The following DGKB variants were observed in gnomAD, a reference collection of about 807,000 sequenced individuals.
DGKB encodes the protein 90 kDa diacylglycerol kinase.
In DGKB, 67 loss-of-function variants were observed where a neutral mutation model predicts 114.3. That is an observed-to-expected ratio of 0.59 (90% CI 0.48 to 0.72). The LOEUF (loss-of-function observed/expected upper bound fraction) is 0.72. Among genes scored for constraint, DGKB ranks in the 30% least tolerant of loss-of-function variants. DGKB has a pLI of 0.00. For missense variants in DGKB, 907 were observed against 975.2 expected (o/e 0.93, Z 0.93); for synonymous variants, 398 against 323.1 (o/e 1.23, Z -2.49).
chr7:14,705,825 T>C (rs1563969634), intron 6 of DGKB, among the ~76,000 whole-genome samples: 1 of 151,610 alleles, frequency 6.6e-6, no homozygotes, highest in African/African-American at 2.4e-5. Flanking sequence ...GCGCTAAATA[T>C]GGAAAGGAAC....
intron 17 of DGKB, among the ~76,000 whole-genome samples, chr7:14,588,978 G>T (rs562379226): frequency 6.6e-6 from 1 of 151,618 alleles, no homozygotes; most frequent in East Asian, 1.9e-4. Context: ...ATTAATTTTG[G>T]GAGAAATAAC....
rs543630712 is a variant in DGKB, at chr7:14,931,112, A to ATT, written c.-188+43582_-188+43583dup. 7.9e-3 allele frequency among the ~76,000 whole-genome samples: 1,083 copies of ATT among 136,674 alleles called. 14 individuals carry two copies. Among genetic ancestry groups the ATT allele is most frequent in the African/African-American group, 0.021 (771 of 36,908 alleles). 89.7% of individuals were successfully genotyped at this position (136,674 alleles called of 152,430 possible). A position where few individuals can be genotyped will look rare whatever the true frequency, so the allele number is the denominator to read the frequency against. ...GTGCTGTTAGATTCAGTTTGCTAGT[A>ATT]TTTTTTTTTTTTTTTTTGAGATGGA... On this transcript the variant is annotated intron_variant, in intron 1 of 4. Transcript: ENST00000437998.
chr7:14,914,350 A>T (rs1784135789), intron 1 of DGKB, among the ~76,000 whole-genome samples: 1 of 152,178 alleles, frequency 6.6e-6, no homozygotes, highest in African/African-American at 2.4e-5. Context: ...ACGCCCAAAT[A>T]CTTAGAACTT....
intron 1 of DGKB, among the ~76,000 whole-genome samples, chr7:14,957,184 T>C (rs1218013040): frequency 2.0e-5 from 3 of 151,994 alleles, no homozygotes; most frequent in Admixed American, 6.6e-5. Context: ...CTTAGCCTGA[T>C]TCAATGACTA....
At chr7:14,912,699 T>C (rs1416340242) in intron 1 of DGKB, among the ~76,000 whole-genome samples, 2 of 152,304 alleles carry the variant, frequency 1.3e-5, no homozygotes, top group East Asian at 1.9e-4. Flanking sequence ...AGGCTAAATA[T>C]TGTCGTGAAA....
At chr7:14,262,149 T>G (rs1163901340) in intron 23 of DGKB, among the ~76,000 whole-genome samples, 1 of 152,116 alleles carries the variant, frequency 6.6e-6, no homozygotes, top group Non-Finnish European at 1.5e-5. Flanking sequence ...TCAGTTGAAT[T>G]TGCAGCCTAA....
intron 20 of DGKB, among the ~76,000 whole-genome samples, chr7:14,559,470 CTCTT>C (rs1796339023): frequency 6.6e-6 from 1 of 152,128 alleles, no homozygotes; most frequent in African/African-American, 2.4e-5. Flanking sequence ...TACAGGCAGT[CTCTT>C]TAGTATGCAT....
chr7:14,663,311 G>C (rs749404736), intron 13 of DGKB, among the ~76,000 whole-genome samples: 4 of 152,004 alleles, frequency 2.6e-5, no homozygotes, highest in Admixed American at 6.6e-5. Context: ...ATGATGGTGA[G>C]TGCATATTCA....
intron 23 of DGKB, among the ~76,000 whole-genome samples, chr7:14,220,039 A>G (rs1789668065): frequency 6.6e-6 from 1 of 151,686 alleles, no homozygotes; most frequent in Non-Finnish European, 1.5e-5. Flanking sequence ...GAGTGCACTT[A>G]CACAAATATA....
intron 23 of DGKB, among the ~76,000 whole-genome samples, chr7:14,319,290 T>A (rs936144304): frequency 2.0e-5 from 3 of 150,270 alleles, no homozygotes; most frequent in South Asian, 4.2e-4. Context: ...AGTATAATAA[T>A]AAAAAAAAAT....
At chr7:14,452,098 T>C (rs1336376981) in intron 21 of DGKB, among the ~76,000 whole-genome samples, 6 of 152,120 alleles carry the variant, frequency 3.9e-5, no homozygotes, top group Admixed American at 2.6e-4. Flanking sequence ...TTAGAAAATA[T>C]TAATTATCAC....
rs1583512654 is a variant in DGKB at position 14,379,041 on chromosome 7, TCA to T, written c.1836-33652_1836-33651del. Among the ~76,000 whole-genome samples, 10 of 106,720 alleles carry T rather than the reference TCA, an allele frequency of 9.4e-5. 1 individual carries two copies. In the East Asian group the frequency reaches 3.2e-3, roughly 34 times the overall value. The allele number at this position is 106,720 out of a possible 152,430, so 70.0% of individuals were successfully genotyped here. On this transcript the variant is annotated intron_variant, in intron 21 of 25. Coordinates refer to ENST00000402815, the MANE Select transcript of DGKB (RefSeq NM_001350709.2). The stretch of plus-strand genomic sequence containing the variant: ...AAAATGTCATCTGAGGAAAAAAATC[TCA>T]TTTTTTTTTTCAGTTTTTACCAACA...
intron 7 of DGKB, among the ~76,000 whole-genome samples, chr7:14,700,582 A>T (rs1302360289): frequency 1.3e-5 from 2 of 152,186 alleles, no homozygotes; most frequent in African/African-American, 4.8e-5. Context: ...ATTCAGAGTG[A>T]TGGTCATTTC....
chr7:14,510,005 C>A (rs976457720), intron 20 of DGKB, among the ~76,000 whole-genome samples: 1 of 152,128 alleles, frequency 6.6e-6, no homozygotes, highest in East Asian at 1.9e-4. Context: ...GAAACCCCGT[C>A]TCTACTAAAA....
At chr7:14,428,511 T>C (rs1275856588) in intron 21 of DGKB, among the ~76,000 whole-genome samples, 1 of 152,172 alleles carries the variant, frequency 6.6e-6, no homozygotes, top group Non-Finnish European at 1.5e-5. Flanking sequence ...ACCAATATTT[T>C]TCTTGTTGCT....
rs1262503563 is a variant in DGKB at position 14,613,360 on chromosome 7, A to C, written c.1338T>G (p.Ser446Arg). 1 of 1,569,834 alleles carries C rather than the reference A, an allele frequency of 6.4e-7. No homozygotes were observed. The highest frequency in any genetic ancestry group is 1.2e-5 in the South Asian group (1 of 85,082). ...CATACCGTTCTCCTTGTTTTCCACCACTTTTGGGGTTCACAAAAACTAAAA... is the reference window on the plus strand; with the variant it reads ...CATACCGTTCTCCTTGTTTTCCACCCCTTTTGGGGTTCACAAAAACTAAAA... ...HPLLVFVNPKSGGKQGERIYR... is the reference protein window; with the variant it reads ...HPLLVFVNPKRGGKQGERIYR... The change falls in exon 16 of 26, where the codon AGT becomes AGG. Residue 446 changes from serine (S) to arginine (R), a missense_variant. By Grantham distance (110) the Ser-to-Arg change is moderately radical (BLOSUM62 -1). Around this residue, in one of 3 missense-constraint regions of DGKB, gnomAD observed 814 missense variants for 856.6 expected, o/e 0.95. Coordinates refer to ENST00000402815, the MANE Select transcript of DGKB (RefSeq NM_001350709.2).
chr7:14,177,342 G>T (rs953220543), intron 24 of DGKB, among the ~76,000 whole-genome samples: 3 of 151,896 alleles, frequency 2.0e-5, no homozygotes, highest in African/African-American at 7.3e-5. Context: ...AGATCACGAG[G>T]TCAGTAGTTT....
At chr7:14,356,981 TC>T (rs1814675996) in intron 21 of DGKB, among the ~76,000 whole-genome samples, 1 of 152,332 alleles carries the variant, frequency 6.6e-6, no homozygotes, top group Admixed American at 6.5e-5. Context: ...TTATTTCTGT[TC>T]TTTTACATTT....
intron 21 of DGKB, among the ~76,000 whole-genome samples, chr7:14,376,157 A>G (rs1286185424): frequency 6.6e-6 from 1 of 152,186 alleles, no homozygotes; most frequent in Non-Finnish European, 1.5e-5. Flanking sequence ...GTAGACAACC[A>G]GCTTGCACTT....
Sources: allele counts gnomAD v4.1 joint callset (sites outside exome capture counted in the v4.1 genomes callset), GRCh38; gene constraint gnomAD v4.1.1; regional missense constraint gnomAD v4.1.1; transcripts MANE v1.5; gene names NCBI Gene and HGNC (gene_info 2026-07-23, HGNC 2026-07-21).